CARS2: variants seen among roughly 807,000 people sequenced by gnomAD.
The protein encoded by CARS2 is cysteinyl-tRNA synthetase 2, mitochondrial.
Under a neutral mutation model 68.8 loss-of-function variants are expected in CARS2, and 52 were observed. That is an observed-to-expected ratio of 0.76 (90% CI 0.61 to 0.95). The LOEUF is 0.95. Among genes scored for constraint, CARS2 ranks in the 40% least tolerant of loss-of-function variants. The pLI is 0.00. For synonymous variants in CARS2, 314 were observed against 303.6 expected (o/e 1.03, Z -0.36); for missense variants, 780 against 754.2 (o/e 1.03, Z -0.40).
chr13:110,710,957 C>A (rs1156675018), upstream of CARS2, among the ~76,000 whole-genome samples: 6 of 150,676 alleles, frequency 4.0e-5, no homozygotes. Flanking sequence ...AAAAAGAAAA[C>A]CTAGGTTAAA....
At position 110,667,340 on chromosome 13, in the gene CARS2, C is replaced by G. The variant is rs1257800468; in HGVS notation, c.919G>C (p.Gly307Arg). 2.5e-6 allele frequency: 4 copies of G among 1,608,904 alleles called. No homozygotes were observed. The highest frequency in any genetic ancestry group is 3.4e-6 in the Non-Finnish European group (4 of 1,177,776). Residue 307 changes from glycine to arginine, a missense_variant and splice_region_variant, in exon 8 of 15, where the codon GGG (glycine) becomes CGG (arginine). By Grantham distance (125) the Gly-to-Arg change is moderately radical (BLOSUM62 -2). Coordinates refer to ENST00000257347, the MANE Select transcript of CARS2 (RefSeq NM_024537.4). ...EQWGNYFLHS[G>R]HLHAKGKEEK... ...AAATTAATCTGAAGTTATTACTTAC[C>G]AGAATGCAGAAAATAATTTCCCCAC... is the stretch of plus-strand genomic sequence containing the variant.
chr13:110,651,512 C>T (rs2062213292), intron 9 of CARS2, among the ~76,000 whole-genome samples: 1 of 152,206 alleles, frequency 6.6e-6, no homozygotes, highest in African/African-American at 2.4e-5. Context: ...CTGCAACCCC[C>T]AGGAGAAGCT....
At chr13:110,649,543 A>AT (rs1371708871) in intron 10 of CARS2, among the ~76,000 whole-genome samples, 1 of 152,162 alleles carries the variant, frequency 6.6e-6, no homozygotes, top group East Asian at 1.9e-4. Flanking sequence ...GGCCAGATAG[A>AT]TTCACCCCAT....
intron 5 of CARS2, among the ~76,000 whole-genome samples, chr13:110,683,481 A>C (rs535084188): frequency 6.6e-6 from 1 of 152,378 alleles, no homozygotes; most frequent in Non-Finnish European, 1.5e-5. Context: ...TGATTTGGAC[A>C]TATCATGAGT....
chr13:110,660,934 G>A lies in CARS2; in HGVS notation c.987+2517C>T, dbSNP rs557176579. ...CCACCACCACGCCCAGCTAATTTTTGTATTTTTAGTAGAGATAGGGTTTCA... is the reference window on the plus strand; with the variant it reads ...CCACCACCACGCCCAGCTAATTTTTATATTTTTAGTAGAGATAGGGTTTCA... On this transcript the variant is annotated intron_variant, in intron 9 of 14. Transcript: ENST00000257347. 2.0e-5 allele frequency among the ~76,000 whole-genome samples: 3 copies of A among 152,062 alleles called. No homozygotes were observed. The East Asian group carries it at 5.8e-4, about 29-fold the overall frequency.
intron 13 of CARS2, chr13:110,643,952 G>C (rs1418836188): frequency 1.1e-5 from 4 of 380,182 alleles, no homozygotes; most frequent in Non-Finnish European, 1.5e-5. Flanking sequence ...GGAAGGTGCA[G>C]GTGACTCGTG....
intron 6 of CARS2, 62 bp downstream of exon 6, chr13:110,682,989 C>T (rs1392275247): frequency 8.3e-7 from 1 of 1,203,460 alleles, no homozygotes; most frequent in African/African-American, 1.6e-5. Flanking sequence ...GATCTCATCT[C>T]CCCAGAGCTG....
Position 110,647,167 on chromosome 13 carries a change from T to A in CARS2, c.1127A>T (p.Asp376Val), listed in dbSNP as rs764146777. The A allele has an allele frequency of 6.2e-7, 1 of 1,612,450 alleles. No individual in the cohort carries two copies. The highest frequency in any genetic ancestry group is 1.3e-5 in the African/African-American group (1 of 74,912). Reference sequence around the variant, plus strand: ...CTGCCCCTTCATGTAGGCACGTGCGTCCTCCAGGAAAGAGCCCAGCCCCAG... The same window carrying A: ...CTGCCCCTTCATGTAGGCACGTGCGACCTCCAGGAAAGAGCCCAGCCCCAG... Reference protein sequence around the residue: ...LLLGLGSFLEDARAYMKGQLA... With the variant: ...LLLGLGSFLEVARAYMKGQLA... The change falls in exon 11 of 15, where the codon GAC becomes GTC. Residue 376 changes from aspartate to valine, a missense_variant. By Grantham distance (152) the Asp-to-Val change is radical (BLOSUM62 -3). Coordinates refer to ENST00000257347, the MANE Select transcript of CARS2 (RefSeq NM_024537.4).
chr13:110,711,520 T>C (rs2064028038), intron 1 of CARS2, among the ~76,000 whole-genome samples: 1 of 152,236 alleles, frequency 6.6e-6, no homozygotes, highest in East Asian at 1.9e-4. Context: ...GGCCAAGTGT[T>C]ATAGTCTTTT....
chr13:110,644,113 T>C (rs1253397839), intron 13 of CARS2: 6 of 1,361,018 alleles, frequency 4.4e-6, no homozygotes, highest in East Asian at 4.0e-5. Context: ...CATAAACGTG[T>C]GTGCAGAGCT....
intron 10 of CARS2, chr13:110,648,200 A>C (rs968198314): frequency 2.0e-5 from 3 of 152,174 alleles, no homozygotes; most frequent in Non-Finnish European, 4.4e-5. Context: ...TTTTGCTTTG[A>C]ATAGCTTGAT....
Position 110,696,498 on chromosome 13 carries a change from G to A in CARS2, c.393+4940C>T, listed in dbSNP as rs188289381. ...TGAGATGTTATCTCACTGTGGTTTTGATTTGCATTTCTTAAAGAATTACCT... is the reference window on the plus strand; with the variant it reads ...TGAGATGTTATCTCACTGTGGTTTTAATTTGCATTTCTTAAAGAATTACCT... On this transcript the variant is annotated intron_variant, in intron 3 of 14. Coordinates refer to ENST00000257347, the MANE Select transcript of CARS2 (RefSeq NM_024537.4). 5.3e-5 allele frequency among the ~76,000 whole-genome samples: 8 copies of A among 152,276 alleles called. No individual in the cohort carries two copies. The East Asian group carries it at 1.5e-3, about 29-fold the overall frequency.
At chr13:110,646,980 C>T (rs1248128524) in intron 11 of CARS2, 121 bp downstream of exon 11, 4 of 1,263,138 alleles carry the variant, frequency 3.2e-6, no homozygotes, top group Non-Finnish European at 4.2e-6. Context: ...AGTCCCTGAC[C>T]CCAAACCTCC....
chr13:110,667,405 T>A lies in CARS2; in HGVS notation c.854A>T (p.Asn285Ile). The A allele has an allele frequency of 1.2e-6, 2 of 1,613,990 alleles. No homozygotes were observed. The highest frequency in any genetic ancestry group is 1.7e-6 in the Non-Finnish European group (2 of 1,179,886). ...AAAGACTTCGCACTGTGCAATTTCGTTTTCATGATGTGGAAAAGCTAAATC... is the reference window on the plus strand; with the variant it reads ...AAAGACTTCGCACTGTGCAATTTCGATTTCATGATGTGGAAAAGCTAAATC... ...GIDLAFPHHE[N>I]EIAQCEVFHQ... The change falls in exon 8 of 15, where the codon AAC becomes ATC. Residue 285 changes from asparagine (N) to isoleucine (I), a missense_variant. Physicochemically the swap from Asn to Ile is moderately radical, Grantham distance 149. Transcript: ENST00000257347.
At chr13:110,688,840 G>A (rs2063379642) in intron 3 of CARS2, 1 of 157,430 alleles carries the variant, frequency 6.4e-6, no homozygotes, top group Non-Finnish European at 1.4e-5. Context: ...AACTCAGGAG[G>A]CGGAGGTTGC....
chr13:110,694,966 T>G (rs964165429), intron 3 of CARS2, among the ~76,000 whole-genome samples: 2 of 152,088 alleles, frequency 1.3e-5, no homozygotes, highest in African/African-American at 2.4e-5. Context: ...ATCTGTGGGT[T>G]CAATCGATCT....
intron 3 of CARS2, among the ~76,000 whole-genome samples, chr13:110,689,627 C>G (rs2063400120): frequency 6.6e-6 from 1 of 152,194 alleles, no homozygotes; most frequent in Non-Finnish European, 1.5e-5. Context: ...CTAGTAATCC[C>G]TTAGACTGCT....
At chr13:110,701,578 ATGT>A in intron 2 of CARS2, 23 bp from the exon 3 acceptor site, 2 of 1,031,468 alleles carry the variant, frequency 1.9e-6, no homozygotes, top group East Asian at 4.7e-5. Context: ...AAGTGTCAGG[ATGT>A]CTTTATTACA....
In CARS2 at chr13:110,692,560, C is replaced by T. The variant is rs1300767556; in HGVS notation, c.394-4542G>A. On this transcript the variant is annotated intron_variant, in intron 3 of 14. Coordinates refer to ENST00000257347, the MANE Select transcript of CARS2 (RefSeq NM_024537.4). Reference sequence around the variant, plus strand: ...TCTTTTATAGACTTTTCCTATTCTTCCTTTTTTTTTTTTTTTTGCTGTTCT... The same window carrying T: ...TCTTTTATAGACTTTTCCTATTCTTTCTTTTTTTTTTTTTTTTGCTGTTCT... 4.3e-5 allele frequency among the ~76,000 whole-genome samples: 5 copies of T among 117,502 alleles called. No homozygotes were observed. In the East Asian group the frequency reaches 1.3e-3, roughly 31 times the overall value. The allele number at this position is 117,502 out of a possible 152,430, so 77.1% of individuals were successfully genotyped here. A position where few individuals can be genotyped will look rare whatever the true frequency, so the allele number is the denominator to read the frequency against.
Sources: allele counts gnomAD v4.1 joint callset (sites outside exome capture counted in the v4.1 genomes callset), GRCh38; gene constraint gnomAD v4.1.1; transcripts MANE v1.5; gene names NCBI Gene and HGNC (gene_info 2026-07-23, HGNC 2026-07-21).